The following ZDHHC11 variants were observed in gnomAD, a reference collection of about 807,000 sequenced individuals.
ZDHHC11 encodes palmitoyltransferase ZDHHC11.
ZDHHC11 carries 44 observed loss-of-function variants against 51.3 expected under a neutral mutation model. The observed-to-expected ratio is 0.86, with a 90% CI of 0.67 to 1.10. The LOEUF is 1.10. Among genes scored for constraint, ZDHHC11 ranks in the 50% least tolerant of loss-of-function variants. ZDHHC11 has a pLI of 0.00. For synonymous variants in ZDHHC11, 163 were observed against 222.0 expected (o/e 0.73, Z 2.36); for missense variants, 400 against 537.7 (o/e 0.74, Z 2.53).
intron 11 of ZDHHC11, among the ~76,000 whole-genome samples, chr5:813,073 A>C (rs200131913): frequency 0.22 from 29,054 of 130,932 alleles, 8,660 homozygotes; most frequent in African/African-American, 0.67. Context: ...ACAGTGACTC[A>C]TGTCTGTAGT....
In ZDHHC11 at chr5:801,179, C is replaced by G; in HGVS notation, c.1182-15G>C. 1 of 1,610,254 alleles carries G rather than the reference C, an allele frequency of 6.2e-7. No individual in the cohort carries two copies. The highest frequency in any genetic ancestry group is 8.5e-7 in the Non-Finnish European group (1 of 1,177,586). ...CTTGTTGCAGCCTGTTTGCAATATTCAGAAAGAGAAACAACAGAGAACGTA... is the reference window on the plus strand; with the variant it reads ...CTTGTTGCAGCCTGTTTGCAATATTGAGAAAGAGAAACAACAGAGAACGTA... On this transcript the variant is annotated splice_polypyrimidine_tract_variant and intron_variant, in intron 11 of 12. Coordinates refer to ENST00000283441, the MANE Select transcript of ZDHHC11 (RefSeq NM_024786.3).
At chr5:858,373 T>A (rs1276930183) in intron 1 of ZDHHC11, among the ~76,000 whole-genome samples, 9,035 of 131,890 alleles carry the variant, frequency 0.069, 342 homozygotes, top group Admixed American at 0.13. Flanking sequence ...TATGACACCG[T>A]GGTCCCCCAA....
intron 11 of ZDHHC11, among the ~76,000 whole-genome samples, chr5:809,014 C>CACACACACACACACAT (rs1554050773): frequency 0.041 from 5,696 of 138,132 alleles, 246 homozygotes; most frequent in Admixed American, 0.058. Flanking sequence ...CACACACACA[C>CACACACACACACACAT]GCACACTATT....
At chr5:829,981 C>T (rs1742868682) in intron 7 of ZDHHC11, among the ~76,000 whole-genome samples, 1 of 150,560 alleles carries the variant, frequency 6.6e-6, no homozygotes, top group African/African-American at 2.5e-5. Flanking sequence ...ACAGAAGGGA[C>T]ATACCTCAAG....
Position 814,179 on chromosome 5 carries a change from G to C in ZDHHC11, c.1181+582C>G, listed in dbSNP as rs554172858. ...TTTCCTATTACTCTATGTTCTGTGA[G>C]AAGTGTATCCTGTACTTGAGATTCT... On this transcript the variant is annotated intron_variant, in intron 11 of 12. Transcript: ENST00000283441. 5.5e-5 allele frequency among the ~76,000 whole-genome samples: 8 copies of C among 146,462 alleles called. No individual in the cohort carries two copies. In the South Asian group the frequency reaches 1.7e-3, roughly 32 times the overall value.
intron 3 of ZDHHC11, among the ~76,000 whole-genome samples, chr5:845,842 G>A (rs1267732180): frequency 2.0e-5 from 3 of 149,604 alleles, no homozygotes; most frequent in Non-Finnish European, 2.9e-5. Context: ...CTCTCCTGAT[G>A]CCCCTTTCCC....
intron 4 of ZDHHC11, chr5:842,056 C>T: frequency 1.0e-6 from 1 of 986,510 alleles, no homozygotes; most frequent in Non-Finnish European, 1.2e-6. Context: ...CAGCTTTGCT[C>T]AGGGCCTTGC....
Position 829,523 on chromosome 5 carries a change from A to C in ZDHHC11, c.935+4250T>G, listed in dbSNP as rs1273109804. On this transcript the variant is annotated intron_variant, in intron 7 of 12. Transcript: ENST00000283441. ...ACAGTAATAAAAAAATTGCCAACTA[A>C]AATATCCAGGATGTATTCACAGCTG... Among the ~76,000 whole-genome samples the C allele has an allele frequency of 2.0e-5, 3 of 151,732 alleles. 1 individual carries two copies. The highest frequency in any genetic ancestry group is 4.9e-5 in the African/African-American group (2 of 41,196).
chr5:855,731 C>T (rs1421042802), upstream of ZDHHC11, among the ~76,000 whole-genome samples: 1 of 148,094 alleles, frequency 6.8e-6, no homozygotes, highest in African/African-American at 2.5e-5. Context: ...GGACAGTGAG[C>T]AGCGGGGACA....
intron 1 of ZDHHC11, among the ~76,000 whole-genome samples, chr5:858,431 T>A (rs1405521416): frequency 6.6e-6 from 1 of 151,694 alleles, no homozygotes; most frequent in Non-Finnish European, 1.5e-5. Context: ...GGTCCCTGAA[T>A]CTATCCTGGT....
intron 6 of ZDHHC11, among the ~76,000 whole-genome samples, chr5:834,982 C>A (rs945846251): frequency 3.0e-4 from 45 of 151,888 alleles, no homozygotes; most frequent in African/African-American, 1.1e-3. Context: ...TTTTTATTTT[C>A]TTAATGGTGA....
upstream of ZDHHC11, among the ~76,000 whole-genome samples, chr5:854,700 G>A (rs1015258631): frequency 2.5e-3 from 356 of 143,568 alleles, 1 homozygote; most frequent in Non-Finnish European, 3.4e-3. Flanking sequence ...ACAGCAAGCC[G>A]GGGGGACAGA....
intron 12 of ZDHHC11, among the ~76,000 whole-genome samples, chr5:799,293 G>T (rs1384804316): frequency 6.6e-6 from 1 of 151,348 alleles, no homozygotes; most frequent in Non-Finnish European, 1.5e-5. Flanking sequence ...TGTGATCTCT[G>T]CACATGTCAG....
chr5:831,648 C>G (rs1743098747), intron 7 of ZDHHC11, among the ~76,000 whole-genome samples: 2 of 147,380 alleles, frequency 1.4e-5, no homozygotes, highest in Non-Finnish European at 3.0e-5. Context: ...CATGAAGAGA[C>G]AGTTCTCAAC....
At chr5:851,826 C>T (rs1445638085), upstream of ZDHHC11, among the ~76,000 whole-genome samples, 2 of 152,174 alleles carry the variant, frequency 1.3e-5, no homozygotes, top group African/African-American at 4.8e-5. Flanking sequence ...GAAGCCGAGG[C>T]GTGCCTATCA....
At chr5:838,002 C>T (rs1485793399) in intron 5 of ZDHHC11, among the ~76,000 whole-genome samples, 6 of 152,024 alleles carry the variant, frequency 3.9e-5, no homozygotes, top group African/African-American at 1.2e-4. Flanking sequence ...CGCAGTGGGG[C>T]GGCCACCCCG....
intron 3 of ZDHHC11, among the ~76,000 whole-genome samples, chr5:846,879 C>G (rs56993476): frequency 0.013 from 1,030 of 79,768 alleles, no homozygotes; most frequent in Admixed American, 0.035. Context: ...CCTCCACCAT[C>G]CTCAGTGGAA....
rs528516371 is a variant in ZDHHC11, at chr5:821,294, G to A, written c.1058+567C>T. 1.6e-4 allele frequency: 25 copies of A among 151,790 alleles called. No homozygotes were observed. The South Asian group carries it at 4.8e-3, about 29-fold the overall frequency. 9.4% of individuals were successfully genotyped at this position (151,790 alleles called of 1,614,324 possible). A position where few individuals can be genotyped will look rare whatever the true frequency, so the allele number is the denominator to read the frequency against. On this transcript the variant is annotated intron_variant, in intron 9 of 12. Transcript: ENST00000283441. Reference sequence around the variant, plus strand: ...TACGGCGACATTGGAGCGACCTCACGGCGACCTCAATTTCCACTGCGCCTC... The same window carrying A: ...TACGGCGACATTGGAGCGACCTCACAGCGACCTCAATTTCCACTGCGCCTC...
At chr5:831,865 A>C (rs1319722826) in intron 7 of ZDHHC11, among the ~76,000 whole-genome samples, 1 of 148,182 alleles carries the variant, frequency 6.7e-6, no homozygotes, top group Non-Finnish European at 1.5e-5. Flanking sequence ...AAACTAGTAC[A>C]ACTACTATAA....
Sources: gnomAD v4.1 joint callset for allele counts (sites outside exome capture counted in the v4.1 genomes callset) on GRCh38, gnomAD v4.1.1 for gene constraint, MANE v1.5 for transcripts, NCBI Gene and HGNC (gene_info 2026-07-23, HGNC 2026-07-21) for gene names.